OXR1: variants seen among roughly 807,000 people sequenced by gnomAD.
OXR1 encodes oxidation resistance 1.
OXR1 carries 41 observed loss-of-function variants against 104.6 expected under a neutral mutation model. The observed-to-expected ratio is 0.39, with a 90% CI of 0.31 to 0.51. The LOEUF (loss-of-function observed/expected upper bound fraction) is 0.51. Ranked by LOEUF, OXR1 falls within the 20% of genes least tolerant of loss-of-function variation. The pLI is 0.77. For missense variants in OXR1, 955 were observed against 1,031.9 expected (o/e 0.93, Z 1.02); for synonymous variants, 348 against 348.4 (o/e 1.00, Z 0.01).
At chr8:106,596,788 C>G (rs911310391) in intron 3 of OXR1, among the ~76,000 whole-genome samples, 1 of 151,974 alleles carries the variant, frequency 6.6e-6, no homozygotes, top group Non-Finnish European at 1.5e-5. Context: ...GGTGCGGTGG[C>G]TCACGCCTGT....
chr8:106,715,686 G>A (rs1313426395), intron 11 of OXR1, among the ~76,000 whole-genome samples: 4 of 152,018 alleles, frequency 2.6e-5, no homozygotes, highest in Non-Finnish European at 5.9e-5. Flanking sequence ...ACGGTGGATG[G>A]CAGAATTGTC....
chr8:106,359,229 T>G (rs1235647178), intron 1 of OXR1, among the ~76,000 whole-genome samples: 3 of 152,128 alleles, frequency 2.0e-5, no homozygotes, highest in African/African-American at 4.8e-5. Flanking sequence ...TTCCCTGAAT[T>G]CTCTACTCCG....
chr8:106,399,031 C>T (rs1027881916), intron 2 of OXR1, among the ~76,000 whole-genome samples: 6 of 152,108 alleles, frequency 3.9e-5, no homozygotes, highest in African/African-American at 1.4e-4. Flanking sequence ...TTTTTCACTA[C>T]TGTCTTTATT....
At chr8:106,282,990 G>A (rs1812350425) in intron 1 of OXR1, among the ~76,000 whole-genome samples, 1 of 152,178 alleles carries the variant, frequency 6.6e-6, no homozygotes, top group Non-Finnish European at 1.5e-5. Flanking sequence ...GGGATTCGTA[G>A]ATGAAGAACC....
chr8:106,567,941 T>G (rs1817201352), intron 3 of OXR1, among the ~76,000 whole-genome samples: 1 of 152,098 alleles, frequency 6.6e-6, no homozygotes, highest in Admixed American at 6.6e-5. Context: ...TGATTCAAAT[T>G]ATGACATGTT....
At chr8:106,665,461 C>T (rs192525523) in intron 3 of OXR1, among the ~76,000 whole-genome samples, 4 of 152,166 alleles carry the variant, frequency 2.6e-5, no homozygotes, top group Admixed American at 2.6e-4. Context: ...TGTAAGAGAA[C>T]TTAGTTACCC....
intron 3 of OXR1, among the ~76,000 whole-genome samples, chr8:106,596,942 A>T (rs1819575014): frequency 6.6e-6 from 1 of 152,052 alleles, no homozygotes; most frequent in Non-Finnish European, 1.5e-5. Flanking sequence ...AGTCCTAGAT[A>T]CTCAGGAGGC....
chr8:106,744,356 G>A (rs1835203008), intron 15 of OXR1, among the ~76,000 whole-genome samples: 1 of 152,118 alleles, frequency 6.6e-6, no homozygotes, highest in Admixed American at 6.5e-5. Flanking sequence ...CCTGTAGATA[G>A]AATGAGGAAT....
chr8:106,528,441 C>G (rs1340228777), intron 3 of OXR1, among the ~76,000 whole-genome samples: 1 of 152,156 alleles, frequency 6.6e-6, no homozygotes, highest in Non-Finnish European at 1.5e-5. Context: ...CAGTTAAATA[C>G]AAATTTGTAT....
chr8:106,507,235 T>C (rs1445991401), intron 2 of OXR1, among the ~76,000 whole-genome samples: 2 of 152,208 alleles, frequency 1.3e-5, no homozygotes, highest in Non-Finnish European at 2.9e-5. Context: ...CCAGTGTGTA[T>C]CATGCTGAAT....
rs1056301962 is a variant in OXR1 at position 106,658,203 on chromosome 8, T to C, written c.221-21007T>C. On this transcript the variant is annotated intron_variant, in intron 3 of 16. Coordinates refer to ENST00000517566, the MANE Select transcript of OXR1 (RefSeq NM_001198533.2). ...GGGACCTGGTGAGCCCACCTTTCTT[T>C]CGCCTCCCGCGCGGCCGACCTGGGC... The C allele has an allele frequency of 1.0e-4, 126 of 1,235,488 alleles. No individual in the cohort carries two copies. The African/African-American group carries it at 1.9e-3, about 18-fold the overall frequency. 76.5% of individuals were successfully genotyped at this position (1,235,488 alleles called of 1,614,324 possible).
At chr8:106,684,626 T>G in intron 6 of OXR1, among the ~76,000 whole-genome samples, 1 of 152,176 alleles carries the variant, frequency 6.6e-6, no homozygotes, top group East Asian at 1.9e-4. Context: ...ATAATTTAAC[T>G]TACAAAGGAA....
chr8:106,563,802 G>C (rs1279929853), intron 3 of OXR1, among the ~76,000 whole-genome samples: 2 of 152,148 alleles, frequency 1.3e-5, no homozygotes, highest in Non-Finnish European at 2.9e-5. Context: ...TCAGACCACA[G>C]TGCAATCAAA....
chr8:106,649,947 T>C (rs1191481462), intron 3 of OXR1, among the ~76,000 whole-genome samples: 1 of 152,112 alleles, frequency 6.6e-6, no homozygotes, highest in African/African-American at 2.4e-5. Flanking sequence ...CCGCCCACCT[T>C]GGCCTCCCAA....
At chr8:106,517,355 A>G (rs1487758579) in intron 2 of OXR1, among the ~76,000 whole-genome samples, 5 of 152,196 alleles carry the variant, frequency 3.3e-5, no homozygotes, top group African/African-American at 1.2e-4. Context: ...TGTTGCTGCT[A>G]ATAGTCATAG....
intron 1 of OXR1, among the ~76,000 whole-genome samples, chr8:106,289,472 T>A (rs1812652834): frequency 6.6e-6 from 1 of 152,204 alleles, no homozygotes; most frequent in Non-Finnish European, 1.5e-5. Flanking sequence ...GGAAGACTTC[T>A]GCAAGGAGAA....
At chr8:106,555,700 G>A (rs1352968501) in intron 3 of OXR1, among the ~76,000 whole-genome samples, 1 of 151,974 alleles carries the variant, frequency 6.6e-6, no homozygotes, top group African/African-American at 2.4e-5. Context: ...TCCAGTGGTA[G>A]AGGGATAGAA....
chr8:106,694,624 G>A (rs1336894367), intron 7 of OXR1, among the ~76,000 whole-genome samples: 4 of 99,008 alleles, frequency 4.0e-5, no homozygotes, highest in Admixed American at 1.3e-4. Context: ...ATATATATTT[G>A]ATATATAAAT....
chr8:106,316,685 CT>C (rs41544515), intron 1 of OXR1, among the ~76,000 whole-genome samples: 2 of 116,486 alleles, frequency 1.7e-5, no homozygotes, highest in African/African-American at 8.5e-5. Context: ...GTTTTTCTCT[CT>C]TTTTTTCTAT....
Sources: gnomAD v4.1 joint callset for allele counts (sites outside exome capture counted in the v4.1 genomes callset) on GRCh38, gnomAD v4.1.1 for gene constraint, MANE v1.5 for transcripts, NCBI Gene and HGNC (gene_info 2026-07-23, HGNC 2026-07-21) for gene names.